The following NEURL4 variants were observed in gnomAD, a reference collection of about 807,000 sequenced individuals.
NEURL4 encodes neuralized-like protein 4.
In NEURL4, 45 loss-of-function variants were observed where a neutral mutation model predicts 148.0. That is an observed-to-expected ratio of 0.30 (90% confidence interval 0.24 to 0.39). NEURL4 has a LOEUF of 0.39. Ranked by LOEUF, NEURL4 falls within the 10% of genes least tolerant of loss-of-function variation. The pLI is 1.00. For missense variants in NEURL4, 1,776 were observed against 2,144.0 expected (o/e 0.83, Z 3.39); for synonymous variants, 854 against 869.0 (o/e 0.98, Z 0.30).
In NEURL4 at chr17:7,327,134, C is replaced by G. The variant is rs1366061876; in HGVS notation, c.793+31G>C. On this transcript the variant is annotated intron_variant, in intron 3 of 28. Coordinates refer to ENST00000399464, the MANE Select transcript of NEURL4 (RefSeq NM_032442.3). This position sits in a 1 kb window ranked among gnomAD's most constrained non-coding sequence, Gnocchi z 6.6. ...TCCCTTGTCCACCTCACTTCCCACT[C>G]CCCTTCCCAGGGCCTCCCCAAAGCC... The G allele has an allele frequency of 1.9e-6, 3 of 1,609,544 alleles. No homozygotes were observed. The Admixed American group carries it at 5.0e-5, about 27-fold the overall frequency.
chr17:7,321,704 G>C lies in NEURL4; in HGVS notation c.2955C>G (p.Pro985=). 1 of 1,613,680 alleles carries C rather than the reference G, an allele frequency of 6.2e-7. No homozygotes were observed. Among genetic ancestry groups the C allele is most frequent in the Non-Finnish European group, 8.5e-7 (1 of 1,180,032 alleles). The change falls in exon 18 of 29, where the codon CCC becomes CCG. Residue 985 remains proline (P), a synonymous_variant. Transcript: ENST00000399464. This position sits in a 1 kb window ranked among gnomAD's most constrained non-coding sequence, Gnocchi z 6.3. ...LTTLAPGEMG[P]GAGGGGPGLP... ...GCCCTGGGCCACCACCGCCTGCCCC[G>C]GGTCCCATCTCCCCCGGTGCTAGTG... is the stretch of plus-strand genomic sequence containing the variant.
Position 7,329,206 on chromosome 17 carries a change from C to T in NEURL4, c.107G>A (p.Gly36Glu). 3 of 1,562,768 alleles carry T rather than the reference C, an allele frequency of 1.9e-6. No homozygotes were observed. The highest frequency in any genetic ancestry group is 2.6e-6 in the Non-Finnish European group (3 of 1,160,054). The change falls in exon 1 of 29, where the codon GGG (glycine) becomes GAG (glutamate). Residue 36 changes from glycine (G) to glutamate (E), a missense_variant. Coordinates refer to ENST00000399464, the MANE Select transcript of NEURL4 (RefSeq NM_032442.3). ...CAGTTCCCCGCCGCTGCCCAGACCC[C>T]CGTTGGACCCCGGTCCTGAGCCGCT... is the stretch of plus-strand genomic sequence containing the variant. The part of the protein sequence containing the change: ...SGSGSGPGSN[G>E]GLGSGGELHP...
intron 8 of NEURL4, 48 bp downstream of exon 8, chr17:7,325,161 C>CCCCCCCCCCCCCCCCT: frequency 1.2e-6 from 1 of 824,776 alleles, no homozygotes; most frequent in Non-Finnish European, 1.9e-6. Flanking sequence ...CCCCCCCCCC[C>CCCCCCCCCCCCCCCCT]CCATTAGAAT....
chr17:7,327,590 C>T lies in NEURL4; in HGVS notation c.577G>A (p.Val193Met), dbSNP rs199900987. Residue 193 changes from valine (V) to methionine (M), a missense_variant, in exon 2 of 29, where the codon GTG becomes ATG. Physicochemically the swap from Val to Met is conservative, Grantham distance 21 (BLOSUM62 1). Transcript: ENST00000399464. This position sits in a 1 kb window ranked among gnomAD's most constrained non-coding sequence, Gnocchi z 6.6. ...TGLPPRVWAV[V>M]DLYGKCTQIT... ...TGGGTGCACTTGCCATAAAGGTCCA[C>T]GACGGCCCAGACACGAGGGGGCAGG... 5.1e-4 allele frequency: 822 copies of T among 1,611,648 alleles called. 10 individuals carry two copies. Among genetic ancestry groups the T allele is most frequent in the Middle Eastern group, 1.6e-4 (1 of 6,082 alleles).
intron 7 of NEURL4, 32 bp downstream of exon 7, chr17:7,325,609 C>T (rs759447795): frequency 2.3e-5 from 37 of 1,607,734 alleles, no homozygotes; most frequent in Admixed American, 5.0e-5. Flanking sequence ...CCGAAAGCCC[C>T]GGCCCAGAGG....
In NEURL4 at chr17:7,325,309, C is replaced by A. The variant is rs536465356; in HGVS notation, c.1531G>T (p.Ala511Ser). 6.2e-7 allele frequency: 1 copy of A among 1,611,526 alleles called. No homozygotes were observed. The highest frequency in any genetic ancestry group is 8.5e-7 in the Non-Finnish European group (1 of 1,179,186). ...LSPEGALRRA[A>S]PAAQAEPERL... ...TCAGGTTCTGCCTGGGCGGCAGGGG[C>A]AGCACGGCGGAGAGCACCCTCGGGG... Residue 511 changes from alanine (A) to serine (S), a missense_variant, in exon 8 of 29, where the codon GCC (alanine) becomes TCC (serine). By Grantham distance (99) the Ala-to-Ser change is moderately conservative. Coordinates refer to ENST00000399464, the MANE Select transcript of NEURL4 (RefSeq NM_032442.3).
Position 7,326,779 on chromosome 17 carries a change from G to A in NEURL4, c.1024C>T (p.Pro342Ser). 1 of 1,613,224 alleles carries A rather than the reference G, an allele frequency of 6.2e-7. No homozygotes were observed. The highest frequency in any genetic ancestry group is 8.5e-7 in the Non-Finnish European group (1 of 1,179,808). The change falls in exon 4 of 29, where the codon CCC (proline) becomes TCC (serine). Residue 342 changes from proline to serine, a missense_variant. Coordinates refer to ENST00000399464, the MANE Select transcript of NEURL4 (RefSeq NM_032442.3). The surrounding 1 kb of genome is among the most constrained non-coding windows in gnomAD (Gnocchi z 6.0). Reference protein sequence around the residue: ...NNNKTAERRRPLDEFNNGVVM... With the variant: ...NNNKTAERRRSLDEFNNGVVM... ...ACCCCATTGTTGAATTCATCCAGGG[G>A]CCGCCGGCGCTCAGCCGTCTTATTA...
rs2073142415 is a variant in NEURL4 at position 7,329,208 on chromosome 17, G to A, written c.105C>T (p.Asn35=). ...PSGSGSGPGS[N]GGLGSGGELH... ...GTTCCCCGCCGCTGCCCAGACCCCC[G>A]TTGGACCCCGGTCCTGAGCCGCTCC... The change falls in exon 1 of 29, where the codon AAC becomes AAT. Residue 35 remains asparagine, a synonymous_variant. Coordinates refer to ENST00000399464, the MANE Select transcript of NEURL4 (RefSeq NM_032442.3). The A allele has an allele frequency of 5.8e-6, 9 of 1,562,082 alleles. No individual in the cohort carries two copies. The highest frequency in any genetic ancestry group is 6.9e-6 in the Non-Finnish European group (8 of 1,159,752).
intron 25 of NEURL4, 43 bp from the exon 26 acceptor site, chr17:7,317,975 C>G (rs1214572253): frequency 3.7e-6 from 6 of 1,613,552 alleles, no homozygotes; most frequent in Non-Finnish European, 5.1e-6. Flanking sequence ...TGGCTCCCAC[C>G]TCAACCACAG....
rs1240998415 is a variant in NEURL4 at position 7,329,288 on chromosome 17, C to A, written c.25G>T (p.Gly9Trp). 9 of 1,428,464 alleles carry A rather than the reference C, an allele frequency of 6.3e-6. No individual in the cohort carries two copies. Among genetic ancestry groups the A allele is most frequent in the Non-Finnish European group, 8.2e-6 (9 of 1,097,670 alleles). The allele number at this position is 1,428,464 out of a possible 1,614,324, so 88.5% of individuals were successfully genotyped here. A position where few individuals can be genotyped will look rare whatever the true frequency, so the allele number is the denominator to read the frequency against. The change falls in exon 1 of 29, where the codon GGG (glycine) becomes TGG (tryptophan). Residue 9 changes from glycine (G) to tryptophan (W), a missense_variant. By Grantham distance (184) the Gly-to-Trp change is radical (BLOSUM62 -2). Transcript: ENST00000399464. MAAGSGGSGGSGGGPGPGP... is the reference protein window; with the variant it reads MAAGSGGSWGSGGGPGPGP... The stretch of plus-strand genomic sequence containing the variant: ...GGTCCAGGGCCTCCCCCAGAGCCCC[C>A]ACTCCCACCCGACCCTGCCGCCATC...
chr17:7,317,679 C>A, intron 26 of NEURL4, 106 bp from the exon 27 acceptor site: 1 of 1,575,116 alleles, frequency 6.3e-7, no homozygotes, highest in Admixed American at 1.7e-5. Flanking sequence ...CACTTCCTGG[C>A]TTTTCCTTAG....
chr17:7,319,263 C>G lies in NEURL4; in HGVS notation c.3526-55G>C, dbSNP rs1048782109. The G allele has an allele frequency of 2.7e-6, 4 of 1,508,294 alleles. No individual in the cohort carries two copies. In the Admixed American group the frequency reaches 7.6e-5, roughly 29 times the overall value. 93.4% of individuals were successfully genotyped at this position (1,508,294 alleles called of 1,614,324 possible). On this transcript the variant is annotated intron_variant, in intron 21 of 28. Coordinates refer to ENST00000399464, the MANE Select transcript of NEURL4 (RefSeq NM_032442.3). Reference sequence around the variant, plus strand: ...CAGCCTCCTGGGAAGAACCAGGCTCCGCACCCCAGCCAGAGAGGGAATACT... The same window carrying G: ...CAGCCTCCTGGGAAGAACCAGGCTCGGCACCCCAGCCAGAGAGGGAATACT...
chr17:7,324,047 G>T lies in NEURL4; in HGVS notation c.2063-35C>A. 1.2e-6 allele frequency: 2 copies of T among 1,608,808 alleles called. No homozygotes were observed. The highest frequency in any genetic ancestry group is 8.5e-7 in the Non-Finnish European group (1 of 1,179,830). ...TGGACATCACCCATCAGGTCTCTAG[G>T]TGTCTCTCAGACCTCCCAAGGCCAC... On this transcript the variant is annotated intron_variant, in intron 11 of 28. Transcript: ENST00000399464. This position sits in a 1 kb window ranked among gnomAD's most constrained non-coding sequence, Gnocchi z 5.9.
Position 7,327,424 on chromosome 17 carries a change from C to T in NEURL4, c.727+16G>A. On this transcript the variant is annotated intron_variant, in intron 2 of 28. Coordinates refer to ENST00000399464, the MANE Select transcript of NEURL4 (RefSeq NM_032442.3). The surrounding 1 kb of genome is among the most constrained non-coding windows in gnomAD (Gnocchi z 6.6). The stretch of plus-strand genomic sequence containing the variant: ...CCGTCCCCACCCCACCACCACTGCC[C>T]TAGCTGTGTTCTCACCTTCATCTGC... 1 of 1,542,474 alleles carries T rather than the reference C, an allele frequency of 6.5e-7. No individual in the cohort carries two copies. The highest frequency in any genetic ancestry group is 8.8e-7 in the Non-Finnish European group (1 of 1,141,350).
At chr17:7,325,519 A>T (rs377547049) in intron 7 of NEURL4, 46 bp from the exon 8 acceptor site, 378 of 1,601,434 alleles carry the variant, frequency 2.4e-4, no homozygotes, top group Non-Finnish European at 3.1e-4. Context: ...AGGGAGAATG[A>T]GGGGAGAAAG....
Position 7,321,234 on chromosome 17 carries a change from C to T in NEURL4, c.3238G>A (p.Gly1080Ser), listed in dbSNP as rs745944848. 2.5e-5 allele frequency: 41 copies of T among 1,613,852 alleles called. No homozygotes were observed. Among genetic ancestry groups the T allele is most frequent in the African/African-American group, 1.5e-4 (11 of 74,846 alleles). Residue 1080 changes from glycine to serine, a missense_variant, in exon 20 of 29, where the codon GGT (glycine) becomes AGT (serine). By Grantham distance (56) the Gly-to-Ser change is moderately conservative. Coordinates refer to ENST00000399464, the MANE Select transcript of NEURL4 (RefSeq NM_032442.3). This position sits in a 1 kb window ranked among gnomAD's most constrained non-coding sequence, Gnocchi z 6.3. ...AVLDLYGPVR[G>S]VSIVSSTRLE... ...CTCGTGGAACTGACAATTGACACAC[C>T]GCGGACTGGCCCGTAGAGATCCAAC...
In NEURL4 at chr17:7,329,047, A is replaced by C; in HGVS notation, c.266T>G (p.Val89Gly). ...EPLRDGRVFT[V>G]RIDRKVNSWS... ...GCGCTGCACCTTGCGGTCGATGCGG[A>C]CGGTGAAGACGCGTCCATCGCGCAA... Residue 89 changes from valine to glycine, a missense_variant, in exon 1 of 29, where the codon GTC becomes GGC. Physicochemically the swap from Val to Gly is moderately radical, Grantham distance 109. Coordinates refer to ENST00000399464, the MANE Select transcript of NEURL4 (RefSeq NM_032442.3). The C allele has an allele frequency of 6.3e-7, 1 of 1,583,888 alleles. No individual in the cohort carries two copies.
At position 7,317,268 on chromosome 17, in the gene NEURL4, G is replaced by C. The variant is rs1330861567; in HGVS notation, c.4421C>G (p.Pro1474Arg). 6.6e-7 allele frequency: 1 copy of C among 1,524,476 alleles called. No individual in the cohort carries two copies. The highest frequency in any genetic ancestry group is 8.8e-7 in the Non-Finnish European group (1 of 1,138,134). The allele number at this position is 1,524,476 out of a possible 1,614,324, so 94.4% of individuals were successfully genotyped here. ...AAGGGAGGGGGAAAGCAGCACAGGA[G>C]GGGGCTGCTCCTCCCGAGGAGGTGC... ...NCAPPREEQP[P>R]PVLLSPSLQY... The change falls in exon 28 of 29, where the codon CCT (proline) becomes CGT (arginine). Residue 1474 changes from proline to arginine, a missense_variant. Transcript: ENST00000399464.
rs967490087 is a variant in NEURL4, at chr17:7,322,449, C to T, written c.2725+286G>A. Reference sequence around the variant, plus strand: ...CTGGGATTACAGGCGTGAGCTACTGCGCCCGGCCCTGATACCTCTTTTCAC... The same window carrying T: ...CTGGGATTACAGGCGTGAGCTACTGTGCCCGGCCCTGATACCTCTTTTCAC... On this transcript the variant is annotated intron_variant, in intron 16 of 28. Transcript: ENST00000399464. This position sits in a 1 kb window ranked among gnomAD's most constrained non-coding sequence, Gnocchi z 5.5. Among the ~76,000 whole-genome samples the T allele has an allele frequency of 4.6e-5, 7 of 152,166 alleles. No homozygotes were observed. The highest frequency in any genetic ancestry group is 7.3e-5 in the Non-Finnish European group (5 of 68,030).
Sources: allele counts gnomAD v4.1 joint callset (sites outside exome capture counted in the v4.1 genomes callset), GRCh38; gene constraint gnomAD v4.1.1; non-coding constraint Gnocchi (gnomAD v3.1); transcripts MANE v1.5; gene names NCBI Gene and HGNC (gene_info 2026-07-23, HGNC 2026-07-21).